BAG4: variants seen among roughly 807,000 people sequenced by gnomAD.
BAG4 encodes the protein BAG family molecular chaperone regulator 4.
A neutral mutation model predicts 52.1 loss-of-function variants in BAG4; 28 were observed. The ratio of observed to expected loss-of-function variants is 0.54; its 90% CI spans 0.40 to 0.74. The LOEUF (loss-of-function observed/expected upper bound fraction) is 0.74, where lower values mean the gene tolerates loss of function less well. BAG4 is among the 30% of genes least tolerant of loss of function. The pLI is 0.00. For synonymous variants in BAG4, 208 were observed against 217.0 expected (o/e 0.96, Z 0.37); for missense variants, 525 against 572.0 (o/e 0.92, Z 0.84).
chr8:38,178,818 ATTC>A (rs1020208229), intron 1 of BAG4, among the ~76,000 whole-genome samples: 73 of 152,086 alleles, frequency 4.8e-4, no homozygotes, highest in African/African-American at 1.8e-3. Context: ...AGGTGAGAAT[ATTC>A]TTTTTGGGAT....
intron 2 of BAG4, chr8:38,204,060 T>G (rs889261837): frequency 6.6e-6 from 1 of 152,182 alleles, no homozygotes; most frequent in Non-Finnish European, 1.5e-5. Flanking sequence ...CTTTAGCAAC[T>G]GCAAGGCTGT....
intron 2 of BAG4, among the ~76,000 whole-genome samples, chr8:38,194,763 T>C (rs1327130919): frequency 6.6e-6 from 1 of 151,834 alleles, no homozygotes; most frequent in African/African-American, 2.4e-5. Context: ...TCAAAATGGT[T>C]GTACTAACAA....
At chr8:38,186,551 A>C (rs574179548) in intron 1 of BAG4, among the ~76,000 whole-genome samples, 1 of 152,308 alleles carries the variant, frequency 6.6e-6, no homozygotes, top group Non-Finnish European at 1.5e-5. Context: ...TGCAGGATAA[A>C]CTAGTAGGCC....
chr8:38,177,424 G>C (rs1016548428), intron 1 of BAG4, among the ~76,000 whole-genome samples: 8 of 152,226 alleles, frequency 5.3e-5, no homozygotes, highest in Non-Finnish European at 1.2e-4. Flanking sequence ...TCTCTCCTGG[G>C]AGCGGTGCTG....
rs1339621125 is a variant in BAG4, at chr8:38,211,675, G to C, written c.*1182G>C. 1 of 151,846 alleles carries C rather than the reference G, an allele frequency of 6.6e-6. No homozygotes were observed. Among genetic ancestry groups the C allele is most frequent in the African/African-American group, 2.4e-5 (1 of 41,378 alleles). The allele number at this position is 151,846 out of a possible 1,614,324, so 9.4% of individuals were successfully genotyped here. ...TTATTATTTTCTTCATTTAAAGGTAGATTTTATGTTTATTTCCCTAAATTG... is the reference window on the plus strand; with the variant it reads ...TTATTATTTTCTTCATTTAAAGGTACATTTTATGTTTATTTCCCTAAATTG... On this transcript the variant is annotated 3_prime_UTR_variant, in exon 5 of 5. Coordinates refer to ENST00000287322, the MANE Select transcript of BAG4 (RefSeq NM_004874.4).
intron 1 of BAG4, among the ~76,000 whole-genome samples, chr8:38,182,222 A>T (rs1420752457): frequency 1.3e-5 from 2 of 152,260 alleles, no homozygotes; most frequent in Non-Finnish European, 2.9e-5. Context: ...GTGATTTGTT[A>T]GTGATTATGA....
chr8:38,192,198 C>G (rs1803486946), intron 1 of BAG4, among the ~76,000 whole-genome samples: 1 of 152,128 alleles, frequency 6.6e-6, no homozygotes, highest in African/African-American at 2.4e-5. Flanking sequence ...TTTTGTTGCA[C>G]TAATTAAATT....
At chr8:38,184,695 C>G (rs1348541453) in intron 1 of BAG4, among the ~76,000 whole-genome samples, 1 of 152,104 alleles carries the variant, frequency 6.6e-6, no homozygotes, top group African/African-American at 2.4e-5. Flanking sequence ...GTCTCCTCCT[C>G]TAGCCTAGCA....
chr8:38,189,422 C>T (rs1446218458), intron 1 of BAG4, among the ~76,000 whole-genome samples: 1 of 152,120 alleles, frequency 6.6e-6, no homozygotes, highest in Non-Finnish European at 1.5e-5. Context: ...AGCTAAAAGT[C>T]ATTTGAAGTA....
Position 38,210,829 on chromosome 8 carries a change from C to G in BAG4, c.*336C>G. The G allele has an allele frequency of 5.4e-6, 1 of 184,630 alleles. No individual in the cohort carries two copies. The highest frequency in any genetic ancestry group is 1.1e-5 in the Non-Finnish European group (1 of 88,840). The allele number at this position is 184,630 out of a possible 1,614,324, so 11.4% of individuals were successfully genotyped here. On this transcript the variant is annotated 3_prime_UTR_variant, in exon 5 of 5. Coordinates refer to ENST00000287322, the MANE Select transcript of BAG4 (RefSeq NM_004874.4). ...CACAACAGGCTTATCAGAAACCTAC[C>G]AGATGAAACTGGATATAATCTGAGA...
chr8:38,185,659 G>A (rs1035672254), intron 1 of BAG4, among the ~76,000 whole-genome samples: 7 of 152,288 alleles, frequency 4.6e-5, no homozygotes, highest in South Asian at 4.1e-4. Flanking sequence ...CCACCTCCCA[G>A]GTTCAAGCGA....
intron 1 of BAG4, among the ~76,000 whole-genome samples, chr8:38,179,785 A>G (rs561121674): frequency 6.6e-6 from 1 of 152,208 alleles, no homozygotes; most frequent in East Asian, 1.9e-4. Flanking sequence ...AAATAAAGAA[A>G]GAAAGATCCA....
chr8:38,207,549 C>A lies in BAG4; in HGVS notation c.416C>A (p.Thr139Lys), dbSNP rs746709814. 2.5e-6 allele frequency: 4 copies of A among 1,613,838 alleles called. No individual in the cohort carries two copies. The highest frequency in any genetic ancestry group is 2.5e-6 in the Non-Finnish European group (3 of 1,179,938). Residue 139 changes from threonine to lysine, a missense_variant, in exon 3 of 5, where the codon ACA (threonine) becomes AAA (lysine). By Grantham distance (78) the Thr-to-Lys change is moderately conservative. Transcript: ENST00000287322. Reference protein sequence around the residue: ...NSYTNGAYGPTYPPGPGANTA... With the variant: ...NSYTNGAYGPKYPPGPGANTA... ...TATACAAATGGAGCGTATGGTCCAA[C>A]ATACCCCCCAGGCCCTGGGGCAAAT... is the stretch of plus-strand genomic sequence containing the variant.
chr8:38,181,035 G>C (rs376807722), intron 1 of BAG4, among the ~76,000 whole-genome samples: 1 of 151,518 alleles, frequency 6.6e-6, no homozygotes, highest in South Asian at 2.1e-4. Context: ...CCGCCTCTTG[G>C]GTTCACGCCC....
At chr8:38,177,285 G>C in intron 1 of BAG4, 146 bp downstream of exon 1, 1 of 1,123,212 alleles carries the variant, frequency 8.9e-7, no homozygotes, top group Non-Finnish European at 1.2e-6. Context: ...AAGATCAGAG[G>C]TTGGGGGGAC....
At chr8:38,196,779 C>A (rs924992537) in intron 2 of BAG4, among the ~76,000 whole-genome samples, 2 of 150,916 alleles carry the variant, frequency 1.3e-5, no homozygotes, top group African/African-American at 4.9e-5. Context: ...GGAGAAATGT[C>A]TATTTAGATT....
intron 3 of BAG4, among the ~76,000 whole-genome samples, chr8:38,208,123 C>T (rs563210226): frequency 6.0e-4 from 91 of 151,218 alleles, no homozygotes; most frequent in Middle Eastern, 3.4e-3. Flanking sequence ...ATTACAAGCA[C>T]GCGCCATCAC....
intron 1 of BAG4, among the ~76,000 whole-genome samples, chr8:38,186,853 C>G (rs1803373059): frequency 6.6e-6 from 1 of 152,206 alleles, no homozygotes; most frequent in Admixed American, 6.6e-5. Context: ...ATACCCAAGG[C>G]TGTGCCTTCT....
At chr8:38,193,827 C>T (rs531305923) in intron 2 of BAG4, among the ~76,000 whole-genome samples, 1 of 152,106 alleles carries the variant, frequency 6.6e-6, no homozygotes, top group East Asian at 1.9e-4. Flanking sequence ...CAGCCTCCGC[C>T]TCCTGGGTTC....
Sources: gnomAD v4.1 joint callset for allele counts (sites outside exome capture counted in the v4.1 genomes callset) on GRCh38, gnomAD v4.1.1 for gene constraint, MANE v1.5 for transcripts, NCBI Gene and HGNC (gene_info 2026-07-23, HGNC 2026-07-21) for gene names.